The following TNFAIP2 variants were observed in gnomAD, a reference collection of about 807,000 sequenced individuals.
TNFAIP2 encodes tumor necrosis factor alpha-induced protein 2.
A neutral mutation model predicts 63.5 loss-of-function variants in TNFAIP2; 47 were observed. The ratio of observed to expected loss-of-function variants is 0.74; its 90% CI spans 0.59 to 0.94. The LOEUF is 0.94. Ranked by LOEUF, TNFAIP2 falls within the 40% of genes least tolerant of loss-of-function variation. The pLI is 0.00. For synonymous variants in TNFAIP2, 405 were observed against 390.2 expected (o/e 1.04, Z -0.45); for missense variants, 787 against 850.2 (o/e 0.93, Z 0.92).
At position 103,131,018 on chromosome 14, in the gene TNFAIP2, C is replaced by G; in HGVS notation, c.1200-34C>G. 1 of 1,607,960 alleles carries G rather than the reference C, an allele frequency of 6.2e-7. No individual in the cohort carries two copies. The highest frequency in any genetic ancestry group is 8.5e-7 in the Non-Finnish European group (1 of 1,174,818). ...TGCTGCTGTGGTCCCAGTGTTTGGG[C>G]TGGTCCTGAATGTGCCCCTTCTGGT... is the stretch of plus-strand genomic sequence containing the variant. On this transcript the variant is annotated intron_variant, in intron 6 of 11. Coordinates refer to ENST00000560869, the MANE Select transcript of TNFAIP2 (RefSeq NM_006291.4). The surrounding 1 kb of genome is among the most constrained non-coding windows in gnomAD (Gnocchi z 4.0).
intron 11 of TNFAIP2, 45 bp downstream of exon 11, chr14:103,133,848 C>T: frequency 1.9e-6 from 3 of 1,550,402 alleles, no homozygotes; most frequent in Non-Finnish European, 2.6e-6. Context: ...ATCACTGTGG[C>T]CAAGGCCTCA....
rs1286763532 is a variant in TNFAIP2, at chr14:103,133,412, A to G, written c.1596A>G (p.Gln532=). Residue 532 remains glutamine, a synonymous_variant, in exon 10 of 12, where the codon CAA becomes CAG. Transcript: ENST00000560869. ...ACCTGGTGAAGGAGTACATCATCCA[A>G]CTCAGCAAGGGGCGCCTGGTCCTCA... The part of the protein sequence containing the change: ...HLHLVKEYII[Q]LSKGRLVLKT... 8 of 1,613,816 alleles carry G rather than the reference A, an allele frequency of 5.0e-6. No homozygotes were observed. The highest frequency in any genetic ancestry group is 6.8e-6 in the Non-Finnish European group (8 of 1,179,972).
In TNFAIP2 at chr14:103,135,352, G is replaced by A; in HGVS notation, c.1957G>A (p.Val653Ile). 6.2e-7 allele frequency: 1 copy of A among 1,606,864 alleles called. No individual in the cohort carries two copies. The highest frequency in any genetic ancestry group is 8.5e-7 in the Non-Finnish European group (1 of 1,176,390). The change falls in exon 12 of 12, where the codon GTT becomes ATT. Residue 653 changes from valine to isoleucine, a missense_variant. Around this residue, in one of 3 missense-constraint regions of TNFAIP2, gnomAD observed 523 missense variants for 604.1 expected, o/e 0.87. Transcript: ENST00000560869. This position sits in a 1 kb window ranked among gnomAD's most constrained non-coding sequence, Gnocchi z 7.6. Reference sequence around the variant, plus strand: ...CCGGCCCCTATTTTCCCTTATAAAGGTTGGTTAGCTTTTCCTGTGGCCTGA... The same window carrying A: ...CCGGCCCCTATTTTCCCTTATAAAGATTGGTTAGCTTTTCCTGTGGCCTGA... ...PSRPLFSLIKVG is the reference protein window; with the variant it reads ...PSRPLFSLIKIG
intron 3 of TNFAIP2, 55 bp from the exon 4 acceptor site, chr14:103,129,685 A>T: frequency 6.6e-7 from 1 of 1,524,470 alleles, no homozygotes; most frequent in Non-Finnish European, 9.1e-7. Context: ...CTCTAGCTTG[A>T]GTGGTGGTGC....
At position 103,135,915 on chromosome 14, in the gene TNFAIP2, T is replaced by G; in HGVS notation, c.*555T>G. The G allele has an allele frequency of 7.8e-7, 1 of 1,289,798 alleles. No individual in the cohort carries two copies. The highest frequency in any genetic ancestry group is 1.0e-6 in the Non-Finnish European group (1 of 989,106). 79.9% of individuals were successfully genotyped at this position (1,289,798 alleles called of 1,614,324 possible). A position where few individuals can be genotyped will look rare whatever the true frequency, so the allele number is the denominator to read the frequency against. ...CGTCTGGCAGGGGCTTTTAGGGTCC[T>G]GTGGCGAGCTGTGAGCACCGCCAGC... On this transcript the variant is annotated 3_prime_UTR_variant, in exon 12 of 12. Coordinates refer to ENST00000560869, the MANE Select transcript of TNFAIP2 (RefSeq NM_006291.4). The surrounding 1 kb of genome is among the most constrained non-coding windows in gnomAD (Gnocchi z 7.6).
Position 103,127,742 on chromosome 14 carries a change from C to T in TNFAIP2, c.860+113C>T. The stretch of plus-strand genomic sequence containing the variant: ...CAGCTTTTAGTGAGGTCGGTGTTTG[C>T]AGAGTTTTGGGTCCGAGAATGCAGG... On this transcript the variant is annotated intron_variant, in intron 3 of 11. Coordinates refer to ENST00000560869, the MANE Select transcript of TNFAIP2 (RefSeq NM_006291.4). The surrounding 1 kb of genome is among the most constrained non-coding windows in gnomAD (Gnocchi z 5.1). 7.8e-7 allele frequency: 1 copy of T among 1,277,648 alleles called. No individual in the cohort carries two copies. The highest frequency in any genetic ancestry group is 1.8e-5 in the South Asian group (1 of 55,816). The allele number at this position is 1,277,648 out of a possible 1,614,324, so 79.1% of individuals were successfully genotyped here. A position where few individuals can be genotyped will look rare whatever the true frequency, so the allele number is the denominator to read the frequency against.
In TNFAIP2 at chr14:103,127,284, G is replaced by C; in HGVS notation, c.515G>C (p.Gly172Ala). ...EREDRQAAAAGPGTSGLAATR... is the reference protein window; with the variant it reads ...EREDRQAAAAAPGTSGLAATR... ...GAGGACCGCCAGGCGGCGGCGGCGG[G>C]GCCGGGGACCTCGGGGCTGGCGGCC... The change falls in exon 3 of 12, where the codon GGG (glycine) becomes GCG (alanine). Residue 172 changes from glycine to alanine, a missense_variant. Gly to Ala is a moderately conservative substitution (Grantham distance 60). Coordinates refer to ENST00000560869, the MANE Select transcript of TNFAIP2 (RefSeq NM_006291.4). This position sits in a 1 kb window ranked among gnomAD's most constrained non-coding sequence, Gnocchi z 5.1. The C allele has an allele frequency of 1.0e-6, 1 of 990,406 alleles. No individual in the cohort carries two copies. The highest frequency in any genetic ancestry group is 1.2e-6 in the Non-Finnish European group (1 of 834,880). 61.4% of individuals were successfully genotyped at this position (990,406 alleles called of 1,614,324 possible). A position where few individuals can be genotyped will look rare whatever the true frequency, so the allele number is the denominator to read the frequency against.
rs2139574515 is a variant in TNFAIP2, at chr14:103,136,181, T to TGGGCAG, written c.*830_*835dup. 2 of 461,446 alleles carry TGGGCAG rather than the reference T, an allele frequency of 4.3e-6. No homozygotes were observed. Among genetic ancestry groups the TGGGCAG allele is most frequent in the East Asian group, 7.6e-5 (1 of 13,242 alleles). 28.6% of individuals were successfully genotyped at this position (461,446 alleles called of 1,614,324 possible). A position where few individuals can be genotyped will look rare whatever the true frequency, so the allele number is the denominator to read the frequency against. The stretch of plus-strand genomic sequence containing the variant: ...GCCACCCAGAAGTCTGGCTGAGGTC[T>TGGGCAG]GGGCAGGGGCAGGGCAAGCTTGACC... On this transcript the variant is annotated 3_prime_UTR_variant, in exon 12 of 12. Coordinates refer to ENST00000560869, the MANE Select transcript of TNFAIP2 (RefSeq NM_006291.4).
At position 103,130,341 on chromosome 14, in the gene TNFAIP2, C is replaced by T. The variant is rs544673423; in HGVS notation, c.1125C>T (p.Ala375=). ...TCACCTCCCAGGCCCAGGCCAAGGCCGAGAGCATCACGCTGGACTTGGGCT... is the reference window on the plus strand; with the variant it reads ...TCACCTCCCAGGCCCAGGCCAAGGCTGAGAGCATCACGCTGGACTTGGGCT... ...IQITSQAQAK[A]ESITLDLGSQ... Residue 375 remains alanine, a synonymous_variant, in exon 6 of 12, where the codon GCC becomes GCT. Coordinates refer to ENST00000560869, the MANE Select transcript of TNFAIP2 (RefSeq NM_006291.4). 26 of 1,565,852 alleles carry T rather than the reference C, an allele frequency of 1.7e-5. No homozygotes were observed. The highest frequency in any genetic ancestry group is 4.7e-5 in the East Asian group (2 of 42,384).
chr14:103,126,748 A>G, intron 2 of TNFAIP2, 56 bp downstream of exon 2: 2 of 1,509,724 alleles, frequency 1.3e-6, no homozygotes, highest in Non-Finnish European at 1.8e-6. Context: ...GTTGGCGCTC[A>G]TCCGCGTGAG....
In TNFAIP2 at chr14:103,127,405, C is replaced by A. The variant is rs768144727; in HGVS notation, c.636C>A (p.Val212=). ...AGCGGCCGGCCGCGGGCGCCGAGGT[C>A]CCCGAGAGCGTCTTTCTGCACTTGG... ...MGQRPAAGAE[V]PESVFLHLGR... Residue 212 remains valine, a synonymous_variant, in exon 3 of 12, where the codon GTC becomes GTA. Coordinates refer to ENST00000560869, the MANE Select transcript of TNFAIP2 (RefSeq NM_006291.4). This position sits in a 1 kb window ranked among gnomAD's most constrained non-coding sequence, Gnocchi z 5.1. The A allele has an allele frequency of 5.8e-6, 9 of 1,558,130 alleles. No individual in the cohort carries two copies. In the South Asian group the frequency reaches 9.3e-5, roughly 16 times the overall value.
rs996906776 is a variant in TNFAIP2 at position 103,135,448 on chromosome 14, G to A, written c.*88G>A. 63 of 1,514,894 alleles carry A rather than the reference G, an allele frequency of 4.2e-5. No individual in the cohort carries two copies. The highest frequency in any genetic ancestry group is 5.4e-5 in the Non-Finnish European group (61 of 1,139,536). 93.8% of individuals were successfully genotyped at this position (1,514,894 alleles called of 1,614,324 possible). On this transcript the variant is annotated 3_prime_UTR_variant, in exon 12 of 12. Transcript: ENST00000560869. This position sits in a 1 kb window ranked among gnomAD's most constrained non-coding sequence, Gnocchi z 7.6. The stretch of plus-strand genomic sequence containing the variant: ...GCTGTTAAGAGCAGCGCTGGTTCTC[G>A]GTTCCTCCCGGGTCTCCTGTGCTCT...
At position 103,135,270 on chromosome 14, in the gene TNFAIP2, T is replaced by C; in HGVS notation, c.1875T>C (p.Ser625=). 2 of 1,613,898 alleles carry C rather than the reference T, an allele frequency of 1.2e-6. No homozygotes were observed. Among genetic ancestry groups the C allele is most frequent in the East Asian group, 2.2e-5 (1 of 44,878 alleles). ...CCATCAAGGGGAACCTATCCAACAG[T>C]GAGGTCAAGCGCATCCGGAGCATCT... ...ILAIKGNLSN[S]EVKRIRSILD... The change falls in exon 12 of 12, where the codon AGT becomes AGC. Residue 625 remains serine (S), a synonymous_variant. Coordinates refer to ENST00000560869, the MANE Select transcript of TNFAIP2 (RefSeq NM_006291.4). This position sits in a 1 kb window ranked among gnomAD's most constrained non-coding sequence, Gnocchi z 7.6.
chr14:103,126,874 G>T, intron 2 of TNFAIP2, 131 bp from the exon 3 acceptor site: 1 of 1,389,246 alleles, frequency 7.2e-7, no homozygotes, highest in South Asian at 1.5e-5. Flanking sequence ...CAGGGACACC[G>T]ACATCACCCT....
At chr14:103,122,831 A>G (rs540127203), upstream of TNFAIP2, 1 of 454,886 alleles carries the variant, frequency 2.2e-6, no homozygotes, top group African/African-American at 2.0e-5. Flanking sequence ...CGCTACTTAA[A>G]GTGGTGTGAG....
At position 103,133,823 on chromosome 14, in the gene TNFAIP2, C is replaced by T. The variant is rs754668572; in HGVS notation, c.1823+20C>T. Reference sequence around the variant, plus strand: ...CTTCAGGTGAGAACCTGGGGCACCTCAGGACCACTGTCACATCACTGTGGC... The same window carrying T: ...CTTCAGGTGAGAACCTGGGGCACCTTAGGACCACTGTCACATCACTGTGGC... On this transcript the variant is annotated intron_variant, in intron 11 of 11. Transcript: ENST00000560869. The T allele has an allele frequency of 8.0e-5, 126 of 1,571,698 alleles. No individual in the cohort carries two copies. Among genetic ancestry groups the T allele is most frequent in the Non-Finnish European group, 1.1e-4 (126 of 1,170,596 alleles).
In TNFAIP2 at chr14:103,132,883, TCTGGG is replaced by T. The variant is rs768101150; in HGVS notation, c.1545+16_1545+20del. On this transcript the variant is annotated intron_variant, in intron 9 of 11. Transcript: ENST00000560869. ...GGCTGTTTCCGGGAGGTGAGGAGGC[TCTGGG>T]CTGGTGGCTGGGTCTTGGGGAGTTG... 1 of 1,613,372 alleles carries T rather than the reference TCTGGG, an allele frequency of 6.2e-7. No individual in the cohort carries two copies. Among genetic ancestry groups the T allele is most frequent in the East Asian group, 2.2e-5 (1 of 44,858 alleles).
At chr14:103,133,282 C>T (rs1443070726) in intron 9 of TNFAIP2, 80 bp from the exon 10 acceptor site, 2 of 1,533,692 alleles carry the variant, frequency 1.3e-6, no homozygotes, top group South Asian at 2.5e-5. Context: ...CTCTGGAGGC[C>T]TGGCTACAAG....
In TNFAIP2 at chr14:103,129,736, G is replaced by C. The variant is rs1343296256; in HGVS notation, c.861-4G>C. The C allele has an allele frequency of 6.2e-7, 1 of 1,613,224 alleles. No homozygotes were observed. ...GTCCTCATGCCAGCCTCCCCTGCCT[G>C]CAGTGACATCATCAACAGCCCCAAG... On this transcript the variant is annotated splice_polypyrimidine_tract_variant and splice_region_variant and intron_variant, in intron 3 of 11. Transcript: ENST00000560869.
Sources: allele counts gnomAD v4.1 joint callset, GRCh38; gene constraint gnomAD v4.1.1; regional missense constraint gnomAD v4.1.1; non-coding constraint Gnocchi (gnomAD v3.1); transcripts MANE v1.5; gene names NCBI Gene and HGNC (gene_info 2026-07-23, HGNC 2026-07-21).